The following FMN1 variants were observed in gnomAD, a reference collection of about 807,000 sequenced individuals.
The protein encoded by FMN1 is formin 1.
In FMN1, 110 loss-of-function variants were observed where a neutral mutation model predicts 132.4. The ratio of observed to expected loss-of-function variants is 0.83; its 90% confidence interval spans 0.71 to 0.97. The LOEUF is 0.97. Ranked by LOEUF, FMN1 falls within the 50% of genes least tolerant of loss-of-function variation. The probability of loss-of-function intolerance (pLI) is 0.00; values close to 1 mark genes in which losing one functional copy is unlikely to be tolerated. For missense variants in FMN1, 1,792 were observed against 1,705.3 expected (o/e 1.05, Z -0.90); for synonymous variants, 722 against 651.7 (o/e 1.11, Z -1.64).
At chr15:33,101,368 C>CTA (rs2039287823) in intron 4 of FMN1, among the ~76,000 whole-genome samples, 1 of 151,810 alleles carries the variant, frequency 6.6e-6, no homozygotes, top group African/African-American at 2.4e-5. Context: ...CTAGGGGTGT[C>CTA]TAATCTTTTG....
intron 10 of FMN1, among the ~76,000 whole-genome samples, chr15:32,921,354 C>G (rs556806472): frequency 6.6e-6 from 1 of 152,240 alleles, no homozygotes; most frequent in African/African-American, 2.4e-5. Context: ...AAATCAAAGA[C>G]CACTGTAGTT....
chr15:33,019,573 G>C (rs1490239438), intron 6 of FMN1, among the ~76,000 whole-genome samples: 1 of 152,186 alleles, frequency 6.6e-6, no homozygotes, highest in Non-Finnish European at 1.5e-5. Context: ...CAGAAGCCCG[G>C]GGCGGTGCGA....
At chr15:33,119,064 G>A (rs912076571) in intron 4 of FMN1, among the ~76,000 whole-genome samples, 3 of 152,136 alleles carry the variant, frequency 2.0e-5, no homozygotes, top group Admixed American at 1.3e-4. Flanking sequence ...CAACTTATGC[G>A]ACAAAACAAT....
At chr15:32,934,710 G>A (rs1459933999) in intron 9 of FMN1, among the ~76,000 whole-genome samples, 8 of 150,152 alleles carry the variant, frequency 5.3e-5, no homozygotes, top group Non-Finnish European at 7.4e-5. Flanking sequence ...AGGTTCAAGC[G>A]ATTCTCCTGC....
chr15:32,776,058 TCA>T (rs1042444295), intron 20 of FMN1, among the ~76,000 whole-genome samples: 5 of 152,208 alleles, frequency 3.3e-5, no homozygotes, highest in African/African-American at 1.2e-4. Context: ...ATGTCTTTTC[TCA>T]GTTTTCTCAA....
chr15:33,074,708 G>C (rs1486313114), intron 5 of FMN1, among the ~76,000 whole-genome samples: 1 of 152,120 alleles, frequency 6.6e-6, no homozygotes, highest in African/African-American at 2.4e-5. Flanking sequence ...AACACGGGCA[G>C]TGTGCATAGT....
At chr15:32,965,988 G>A (rs769529789) in intron 8 of FMN1, among the ~76,000 whole-genome samples, 6 of 152,060 alleles carry the variant, frequency 3.9e-5, no homozygotes, top group African/African-American at 1.4e-4. Flanking sequence ...GGGGGAGACG[G>A]GGGAGAAGTA....
chr15:33,128,211 G>A (rs1160521981), intron 4 of FMN1, among the ~76,000 whole-genome samples: 3 of 152,068 alleles, frequency 2.0e-5, no homozygotes, highest in Non-Finnish European at 2.9e-5. Flanking sequence ...AAAGCAAAAA[G>A]CAGACTTACG....
At chr15:33,032,017 A>G (rs1444564218) in intron 6 of FMN1, among the ~76,000 whole-genome samples, 2 of 152,258 alleles carry the variant, frequency 1.3e-5, no homozygotes, top group Non-Finnish European at 2.9e-5. Flanking sequence ...CATTAACAAC[A>G]AAAATAATAA....
At chr15:33,020,276 C>T (rs939131347) in intron 6 of FMN1, among the ~76,000 whole-genome samples, 5 of 152,158 alleles carry the variant, frequency 3.3e-5, no homozygotes, top group Non-Finnish European at 7.3e-5. Flanking sequence ...TTGGGGAATA[C>T]CCAGCTGCTA....
chr15:32,962,167 C>G (rs2030642621), intron 9 of FMN1, among the ~76,000 whole-genome samples: 1 of 151,942 alleles, frequency 6.6e-6, no homozygotes. Flanking sequence ...CATACCAATG[C>G]TTAAGACAGT....
intron 4 of FMN1, among the ~76,000 whole-genome samples, chr15:33,095,961 C>A: frequency 6.9e-6 from 1 of 144,232 alleles, no homozygotes; most frequent in Middle Eastern, 3.5e-3. Flanking sequence ...ATGATCCTAG[C>A]AAACTCACAA....
At chr15:32,934,965 C>T (rs1342223235) in intron 9 of FMN1, among the ~76,000 whole-genome samples, 1 of 150,062 alleles carries the variant, frequency 6.7e-6, no homozygotes. Flanking sequence ...CTCTGTCGCC[C>T]AGACAGAGTG....
chr15:33,085,891 A>T (rs2038671986), intron 5 of FMN1, among the ~76,000 whole-genome samples: 1 of 152,186 alleles, frequency 6.6e-6, no homozygotes, highest in Non-Finnish European at 1.5e-5. Context: ...AATATTCATC[A>T]CTTAAAACAC....
At chr15:33,016,424 C>A (rs569481417) in intron 6 of FMN1, among the ~76,000 whole-genome samples, 1 of 152,182 alleles carries the variant, frequency 6.6e-6, no homozygotes, top group Non-Finnish European at 1.5e-5. Flanking sequence ...GGTCTTGGGG[C>A]CCTGCGAGTC....
intron 4 of FMN1, among the ~76,000 whole-genome samples, chr15:33,099,461 GAAT>G (rs1404845708): frequency 6.6e-6 from 1 of 152,114 alleles, no homozygotes; most frequent in East Asian, 1.9e-4. Context: ...TGCTCAATTA[GAAT>G]AATAGCAGCA....
At chr15:33,082,600 G>A (rs1162863550) in intron 5 of FMN1, among the ~76,000 whole-genome samples, 2 of 152,114 alleles carry the variant, frequency 1.3e-5, no homozygotes, top group Non-Finnish European at 2.9e-5. Context: ...TGCTTCTCTA[G>A]TCTCTGACTA....
intron 9 of FMN1, among the ~76,000 whole-genome samples, chr15:32,960,165 G>C (rs1241657537): frequency 6.6e-6 from 1 of 152,122 alleles, no homozygotes; most frequent in Non-Finnish European, 1.5e-5. Context: ...GCCCGGATTT[G>C]TCTGGAACTT....
At chr15:33,110,816 TTGTCAGTA>T (rs1439668251) in intron 4 of FMN1, among the ~76,000 whole-genome samples, 4 of 152,102 alleles carry the variant, frequency 2.6e-5, no homozygotes, top group Non-Finnish European at 5.9e-5. Context: ...TAAGAACAAC[TTGTCAGTA>T]TTTTTAGTCC....
Sources: gnomAD v4.1 joint callset for allele counts (sites outside exome capture counted in the v4.1 genomes callset) on GRCh38, gnomAD v4.1.1 for gene constraint, MANE v1.5 for transcripts, NCBI Gene and HGNC (gene_info 2026-07-23, HGNC 2026-07-21) for gene names.